The following CDYL variants were observed in gnomAD, a reference collection of about 807,000 sequenced individuals.
CDYL encodes chromodomain Y like.
A neutral mutation model predicts 47.3 loss-of-function variants in CDYL; 8 were observed. That is an observed-to-expected ratio of 0.17 (90% confidence interval 0.10 to 0.31). The LOEUF (loss-of-function observed/expected upper bound fraction) is 0.31, where lower values mean the gene tolerates loss of function less well. CDYL is among the 10% of genes least tolerant of loss of function. The probability of loss-of-function intolerance (pLI) is 1.00; values close to 1 mark genes in which losing one functional copy is unlikely to be tolerated. For missense variants in CDYL, 471 were observed against 701.4 expected, an observed-to-expected ratio of 0.67 and a Z score of 3.71; for synonymous variants, 266 against 265.0, an observed-to-expected ratio of 1.00 and a Z score of -0.04.
chr6:4,787,576 G>A (rs1457578521), intron 1 of CDYL, among the ~76,000 whole-genome samples: 1 of 152,074 alleles, frequency 6.6e-6, no homozygotes, highest in East Asian at 1.9e-4. Context: ...CAGAAGTTCA[G>A]TGCTGAGACC....
At chr6:4,866,251 G>A (rs1360251657) in intron 1 of CDYL, among the ~76,000 whole-genome samples, 1 of 152,086 alleles carries the variant, frequency 6.6e-6, no homozygotes, top group African/African-American at 2.4e-5. Context: ...GAAAAGAGAT[G>A]TTTTTCTTTG....
intron 2 of CDYL, chr6:4,724,302 T>C (rs1582282243): frequency 3.3e-5 from 5 of 152,246 alleles, no homozygotes; most frequent in African/African-American, 1.2e-4. Flanking sequence ...CCACCCACCT[T>C]GGCCTCCCAA....
chr6:4,845,789 G>A (rs76529009), intron 1 of CDYL, among the ~76,000 whole-genome samples: 6,373 of 152,060 alleles, frequency 0.042, 176 homozygotes, highest in Non-Finnish European at 0.065. Context: ...TTTTCCAACC[G>A]CTGAAAACGT....
chr6:4,761,264 C>T (rs9504233), intron 3 of CDYL, among the ~76,000 whole-genome samples: 16,094 of 152,066 alleles, frequency 0.11, 940 homozygotes, highest in South Asian at 0.14. Context: ...AGCTGTATCT[C>T]GAGGGATAAT....
At chr6:4,771,529 C>CA (rs1758338299), upstream of CDYL, among the ~76,000 whole-genome samples, 2 of 152,196 alleles carry the variant, frequency 1.3e-5, no homozygotes, top group Admixed American at 6.5e-5. Context: ...AATCAAGCCC[C>CA]ACTAAGCGCC....
At chr6:4,754,880 A>G (rs1296628229) in intron 3 of CDYL, among the ~76,000 whole-genome samples, 1 of 152,202 alleles carries the variant, frequency 6.6e-6, no homozygotes, top group East Asian at 1.9e-4. Flanking sequence ...TCACTCTGAA[A>G]TGTAAGTAAT....
rs762081301 is a variant in CDYL, at chr6:4,935,529, A to C, written c.706A>C (p.Met236Leu). 6.1e-5 allele frequency: 98 copies of C among 1,614,112 alleles called. No individual in the cohort carries two copies. The South Asian group carries it at 8.5e-4, about 14-fold the overall frequency. Reference protein sequence around the residue: ...AVNGKGTSPFMDALTANGTTN... With the variant: ...AVNGKGTSPFLDALTANGTTN... ...ACTCTCGGCAGGTACATCTCCGTTC[A>C]TGGATGCATTAACAGCCAATGGGAC... The change falls in exon 3 of 7, where the codon ATG becomes CTG. Residue 236 changes from methionine to leucine, a missense_variant. Coordinates refer to ENST00000397588, the MANE Select transcript of CDYL (RefSeq NM_004824.4).
chr6:4,910,404 A>C (rs963586862), intron 2 of CDYL, among the ~76,000 whole-genome samples: 1 of 152,052 alleles, frequency 6.6e-6, no homozygotes, highest in Admixed American at 6.5e-5. Flanking sequence ...TCTGCCTTTA[A>C]CTCCCTTCAT....
chr6:4,954,149 C>G lies in CDYL; in HGVS notation c.*93C>G, dbSNP rs932469373. ...CCTGATCCATTCTCACAGCCTGAAA[C>G]AAGCTCACCCGTAGCTTACGCTTGG... is the stretch of plus-strand genomic sequence containing the variant. On this transcript the variant is annotated 3_prime_UTR_variant, in exon 7 of 7. Coordinates refer to ENST00000397588, the MANE Select transcript of CDYL (RefSeq NM_004824.4). 1.5e-6 allele frequency: 2 copies of G among 1,371,232 alleles called. No individual in the cohort carries two copies. The highest frequency in any genetic ancestry group is 2.9e-5 in the African/African-American group (2 of 69,880). 84.9% of individuals were successfully genotyped at this position (1,371,232 alleles called of 1,614,324 possible). A position where few individuals can be genotyped will look rare whatever the true frequency, so the allele number is the denominator to read the frequency against.
chr6:4,810,913 A>T (rs757769198), intron 1 of CDYL, among the ~76,000 whole-genome samples: 1 of 152,246 alleles, frequency 6.6e-6, no homozygotes, highest in Non-Finnish European at 1.5e-5. Context: ...GTTTCAACAT[A>T]GGAAATTTTG....
At chr6:4,791,866 TAGGA>T (rs1296742653) in intron 1 of CDYL, among the ~76,000 whole-genome samples, 1 of 150,022 alleles carries the variant, frequency 6.7e-6, no homozygotes, top group Non-Finnish European at 1.5e-5. Context: ...TATAAGTTAA[TAGGA>T]AGGAATTGTA....
intron 2 of CDYL, among the ~76,000 whole-genome samples, chr6:4,905,236 C>A (rs993661816): frequency 2.0e-5 from 3 of 152,146 alleles, no homozygotes; most frequent in African/African-American, 7.2e-5. Context: ...CAACCCTCTC[C>A]AGCCTGAATA....
intron 1 of CDYL, among the ~76,000 whole-genome samples, chr6:4,709,326 G>A (rs1280759210): frequency 1.3e-5 from 2 of 152,108 alleles, no homozygotes; most frequent in Non-Finnish European, 2.9e-5. Flanking sequence ...CTGCCAAGTA[G>A]CTGGAATTAA....
At chr6:4,757,085 ATACAGAATAT>A (rs759824270) in intron 3 of CDYL, among the ~76,000 whole-genome samples, 55 of 152,344 alleles carry the variant, frequency 3.6e-4, no homozygotes, top group Non-Finnish European at 5.1e-4. Flanking sequence ...ATGAATAAAT[ATACAGAATAT>A]AAACTCCAAC....
intron 3 of CDYL, among the ~76,000 whole-genome samples, chr6:4,741,521 C>G (rs752284697): frequency 6.6e-6 from 1 of 152,164 alleles, no homozygotes; most frequent in Non-Finnish European, 1.5e-5. Flanking sequence ...CCTCATAGTT[C>G]CAGATGCTTG....
chr6:4,875,456 GC>G (rs1485558929), intron 1 of CDYL, among the ~76,000 whole-genome samples: 1 of 151,984 alleles, frequency 6.6e-6, no homozygotes, highest in Non-Finnish European at 1.5e-5. Context: ...ATGGCATGTC[GC>G]CCAATTTATA....
At chr6:4,863,188 G>A (rs1279174188) in intron 1 of CDYL, among the ~76,000 whole-genome samples, 5 of 152,086 alleles carry the variant, frequency 3.3e-5, no homozygotes, top group African/African-American at 1.2e-4. Context: ...GTAAACACTG[G>A]GGACTCCAAA....
chr6:4,852,270 C>G (rs939375442), intron 1 of CDYL, among the ~76,000 whole-genome samples: 15 of 152,220 alleles, frequency 9.9e-5, no homozygotes, highest in Non-Finnish European at 8.8e-5. Context: ...AGAGCTGTCA[C>G]CAACTGGGGC....
At chr6:4,814,867 A>T (rs968028456) in intron 1 of CDYL, among the ~76,000 whole-genome samples, 1 of 152,164 alleles carries the variant, frequency 6.6e-6, no homozygotes, top group African/African-American at 2.4e-5. Flanking sequence ...GCCATGTGGG[A>T]TTCATGTCAG....
Sources: gnomAD v4.1 joint callset for allele counts (sites outside exome capture counted in the v4.1 genomes callset) on GRCh38, gnomAD v4.1.1 for gene constraint, MANE v1.5 for transcripts, NCBI Gene and HGNC (gene_info 2026-07-23, HGNC 2026-07-21) for gene names.